TMEM184A: variants seen among roughly 807,000 people sequenced by gnomAD.
TMEM184A encodes sexually dimorphic, expressed in male gonads 1.
A neutral mutation model predicts 39.5 loss-of-function variants in TMEM184A; 40 were observed. That is an observed-to-expected ratio of 1.01 (90% confidence interval 0.79 to 1.32). The LOEUF (loss-of-function observed/expected upper bound fraction) is 1.32, where lower values mean the gene tolerates loss of function less well. Among genes scored for constraint, TMEM184A ranks in the 40% most tolerant of loss-of-function variants. The pLI, the probability that TMEM184A is intolerant of heterozygous loss-of-function variation, is 0.00. For synonymous variants in TMEM184A, 280 were observed against 252.3 expected (o/e 1.11, Z -1.04); for missense variants, 603 against 568.8 (o/e 1.06, Z -0.61).
Position 1,549,608 on chromosome 7 carries a change from G to A in TMEM184A, c.644+246C>T, listed in dbSNP as rs1784502755. On this transcript the variant is annotated intron_variant, in intron 6 of 8. Coordinates refer to ENST00000297477, the MANE Select transcript of TMEM184A (RefSeq NM_001097620.2). ...GGCCTTGGCAGGCACCGAGGTCCTT[G>A]TGGAGAAGAAGTGGGTACCTGTCTT... The A allele has an allele frequency of 9.7e-6, 6 of 621,498 alleles. No homozygotes were observed. In the East Asian group the frequency reaches 2.1e-4, roughly 22 times the overall value. The allele number at this position is 621,498 out of a possible 1,614,324, so 38.5% of individuals were successfully genotyped here. A position where few individuals can be genotyped will look rare whatever the true frequency, so the allele number is the denominator to read the frequency against.
intron 2 of TMEM184A, 91 bp from the exon 3 acceptor site, chr7:1,551,073 AGGAGGGTTTGGG>A: frequency 1.6e-6 from 2 of 1,286,930 alleles, no homozygotes; most frequent in Non-Finnish European, 2.0e-6. Context: ...GGGTGGGTGC[AGGAGGGTTTGGG>A]TGAGAGCCAG....
chr7:1,549,714 C>T, intron 6 of TMEM184A, 140 bp downstream of exon 6: 1 of 789,460 alleles, frequency 1.3e-6, no homozygotes, highest in Non-Finnish European at 2.1e-6. Flanking sequence ...CCAGTGCCCA[C>T]CTCATGCCAG....
rs1215185397 is a variant in TMEM184A, at chr7:1,546,079, C to T, written c.*873G>A. The T allele has an allele frequency of 2.6e-5, 4 of 152,466 alleles. No homozygotes were observed. Among genetic ancestry groups the T allele is most frequent in the Non-Finnish European group, 5.9e-5 (4 of 68,124 alleles). The allele number at this position is 152,466 out of a possible 1,614,324, so 9.4% of individuals were successfully genotyped here. ...TGTGATCGCACAGCCCAGGCTCTGC[C>T]CTGCACTGCCCTGGACCACGAGGCT... is the stretch of plus-strand genomic sequence containing the variant. On this transcript the variant is annotated 3_prime_UTR_variant, in exon 9 of 9. Coordinates refer to ENST00000297477, the MANE Select transcript of TMEM184A (RefSeq NM_001097620.2).
Position 1,555,364 on chromosome 7 carries a change from T to C in TMEM184A, c.121A>G (p.Ser41Gly). 6.2e-7 allele frequency: 1 copy of C among 1,610,992 alleles called. No individual in the cohort carries two copies. Among genetic ancestry groups the C allele is most frequent in the Non-Finnish European group, 8.5e-7 (1 of 1,179,112 alleles). The part of the protein sequence containing the change: ...AGPQMDHMGN[S>G]SQGAPWLFLT... Reference sequence around the variant, plus strand: ...AAGAGCCAGGGGGCCCCCTGGGAGCTGTTCCCCATGTGGTCCATCTGCGGC... The same window carrying C: ...AAGAGCCAGGGGGCCCCCTGGGAGCCGTTCCCCATGTGGTCCATCTGCGGC... Residue 41 changes from serine to glycine, a missense_variant, in exon 2 of 9, where the codon AGC becomes GGC. Coordinates refer to ENST00000297477, the MANE Select transcript of TMEM184A (RefSeq NM_001097620.2). This position sits in a 1 kb window ranked among gnomAD's most constrained non-coding sequence, Gnocchi z 5.2.
At chr7:1,551,220 A>G (rs549512600) in intron 2 of TMEM184A, among the ~76,000 whole-genome samples, 20 of 86,388 alleles carry the variant, frequency 2.3e-4, no homozygotes, top group Middle Eastern at 8.5e-3. Flanking sequence ...AGCCGGGTCC[A>G]CCCGGTACCC....
chr7:1,546,073 C>T lies in TMEM184A; in HGVS notation c.*879G>A, dbSNP rs1477920997. On this transcript the variant is annotated 3_prime_UTR_variant, in exon 9 of 9. Coordinates refer to ENST00000297477, the MANE Select transcript of TMEM184A (RefSeq NM_001097620.2). Reference sequence around the variant, plus strand: ...AGTGGCTGTGATCGCACAGCCCAGGCTCTGCCCTGCACTGCCCTGGACCAC... The same window carrying T: ...AGTGGCTGTGATCGCACAGCCCAGGTTCTGCCCTGCACTGCCCTGGACCAC... The T allele has an allele frequency of 1.3e-5, 2 of 152,470 alleles. No individual in the cohort carries two copies. The highest frequency in any genetic ancestry group is 2.4e-5 in the African/African-American group (1 of 41,444). The allele number at this position is 152,470 out of a possible 1,614,324, so 9.4% of individuals were successfully genotyped here. A position where few individuals can be genotyped will look rare whatever the true frequency, so the allele number is the denominator to read the frequency against.
Position 1,548,011 on chromosome 7 carries a change from G to T in TMEM184A, c.815-72C>A, listed in dbSNP as rs927520949. 5 of 1,483,388 alleles carry T rather than the reference G, an allele frequency of 3.4e-6. No homozygotes were observed. The South Asian group carries it at 3.7e-5, about 11-fold the overall frequency. The allele number at this position is 1,483,388 out of a possible 1,614,324, so 91.9% of individuals were successfully genotyped here. ...AGGGGAGGAAGAGGCCCCAGACCCC[G>T]CAGCGGCTCCTCTGACGGGTGCTGT... On this transcript the variant is annotated intron_variant, in intron 7 of 8. Transcript: ENST00000297477.
intron 2 of TMEM184A, among the ~76,000 whole-genome samples, chr7:1,553,726 C>T (rs1179027260): frequency 6.6e-6 from 1 of 152,146 alleles, no homozygotes; most frequent in African/African-American, 2.4e-5. Flanking sequence ...ATCAGGAGAC[C>T]TCTCCCGGGG....
rs1253217629 is a variant in TMEM184A at position 1,546,759 on chromosome 7, G to A, written c.*193C>T. 1.9e-6 allele frequency: 1 copy of A among 529,558 alleles called. No individual in the cohort carries two copies. Among genetic ancestry groups the A allele is most frequent in the Non-Finnish European group, 3.3e-6 (1 of 302,272 alleles). The allele number at this position is 529,558 out of a possible 1,614,324, so 32.8% of individuals were successfully genotyped here. The stretch of plus-strand genomic sequence containing the variant: ...TCTCCTGCGGTGGCGGGCCCACCTG[G>A]GTGCCTGCCAGGGCCATCAGGTGCC... On this transcript the variant is annotated 3_prime_UTR_variant, in exon 9 of 9. Coordinates refer to ENST00000297477, the MANE Select transcript of TMEM184A (RefSeq NM_001097620.2).
intron 8 of TMEM184A, 116 bp downstream of exon 8, chr7:1,547,626 C>T (rs1241972681): frequency 4.8e-5 from 56 of 1,158,298 alleles, no homozygotes; most frequent in East Asian, 1.5e-4. Flanking sequence ...GCCCTTTGCC[C>T]GTCTCCCTGC....
chr7:1,551,070 T>C lies in TMEM184A; in HGVS notation c.220-88A>G, dbSNP rs1244623293. Reference sequence around the variant, plus strand: ...GAGCCGGGAAGGAGGTGGGGGTGGGTGCAGGAGGGTTTGGGTGAGAGCCAG... The same window carrying C: ...GAGCCGGGAAGGAGGTGGGGGTGGGCGCAGGAGGGTTTGGGTGAGAGCCAG... On this transcript the variant is annotated intron_variant, in intron 2 of 8. Coordinates refer to ENST00000297477, the MANE Select transcript of TMEM184A (RefSeq NM_001097620.2). 298 of 1,008,636 alleles carry C rather than the reference T, an allele frequency of 3.0e-4. 1 individual carries two copies. Among genetic ancestry groups the C allele is most frequent in the African/African-American group, 2.3e-3 (89 of 38,846 alleles). The allele number at this position is 1,008,636 out of a possible 1,614,324, so 62.5% of individuals were successfully genotyped here.
chr7:1,555,560 G>A lies in TMEM184A; in HGVS notation c.1-76C>T, dbSNP rs930657583. The A allele has an allele frequency of 5.4e-5, 62 of 1,147,488 alleles. No homozygotes were observed. The highest frequency in any genetic ancestry group is 7.6e-5 in the Non-Finnish European group (59 of 775,250). The allele number at this position is 1,147,488 out of a possible 1,614,324, so 71.1% of individuals were successfully genotyped here. ...GGCTCCCGGCAGCAGGAAGCAGCGG[G>A]GGAGGGAGGAGACAGTGAGACGGGA... On this transcript the variant is annotated intron_variant, in intron 1 of 8. Transcript: ENST00000297477. The surrounding 1 kb of genome is among the most constrained non-coding windows in gnomAD (Gnocchi z 5.2).
intron 2 of TMEM184A, among the ~76,000 whole-genome samples, chr7:1,551,193 AGGAGGGTTCGCGTGAGAGCCG>A: frequency 1.9e-5 from 1 of 51,854 alleles, no homozygotes; most frequent in Non-Finnish European, 3.8e-5. Flanking sequence ...CCCTGGGCGC[AGGAGGGTTCGCGTGAGAGCCG>A]GGTCCACCCG....
Position 1,555,253 on chromosome 7 carries a change from C to T in TMEM184A, c.219+13G>A, listed in dbSNP as rs545404131. 39 of 1,590,896 alleles carry T rather than the reference C, an allele frequency of 2.5e-5. No individual in the cohort carries two copies. The highest frequency in any genetic ancestry group is 1.3e-4 in the African/African-American group (10 of 74,390). On this transcript the variant is annotated intron_variant, in intron 2 of 8. Coordinates refer to ENST00000297477, the MANE Select transcript of TMEM184A (RefSeq NM_001097620.2). The surrounding 1 kb of genome is among the most constrained non-coding windows in gnomAD (Gnocchi z 5.2). ...CAAGGTCCTGAAGGAGGCTCGGGGG[C>T]GGAAGGGCTTACCTGGTGGCAGGTG... is the stretch of plus-strand genomic sequence containing the variant.
intron 6 of TMEM184A, 90 bp from the exon 7 acceptor site, chr7:1,548,778 G>C (rs760059906): frequency 6.2e-6 from 9 of 1,461,292 alleles, no homozygotes; most frequent in Non-Finnish European, 8.5e-6. Flanking sequence ...CCTCAGCCTG[G>C]TCCCCACCCT....
intron 6 of TMEM184A, chr7:1,549,071 C>T (rs879690001): frequency 1.0e-5 from 5 of 488,506 alleles, no homozygotes; most frequent in South Asian, 1.5e-5. Flanking sequence ...GTGTCGTTCC[C>T]GTGTGAGTGT....
chr7:1,543,460 G>A lies in TMEM184A; in HGVS notation c.*3492C>T, dbSNP rs1299654314. 6.6e-6 allele frequency: 1 copy of A among 152,254 alleles called. No individual in the cohort carries two copies. Among genetic ancestry groups the A allele is most frequent in the Non-Finnish European group, 1.5e-5 (1 of 68,052 alleles). 9.4% of individuals were successfully genotyped at this position (152,254 alleles called of 1,614,324 possible). On this transcript the variant is annotated 3_prime_UTR_variant, in exon 9 of 9. Coordinates refer to ENST00000297477, the MANE Select transcript of TMEM184A (RefSeq NM_001097620.2). ...CTGTGAGCAAGACAGGGTCTGTCTG[G>A]GAGCAGAGAGCAAAGCGCCCCTGCA...
In TMEM184A at chr7:1,549,871, G is replaced by A. The variant is rs1183732259; in HGVS notation, c.627C>T (p.Tyr209=). The stretch of plus-strand genomic sequence containing the variant: ...CGCCTTACTTGAAGTCCCCGTCGTG[G>A]TATTTGCCAAATGCCTGGAGGATGA... ...TTIILQAFGK[Y]HDGDFNVRSG... Residue 209 remains tyrosine (Y), a synonymous_variant, in exon 6 of 9, where the codon TAC becomes TAT. Transcript: ENST00000297477. 1 of 1,609,676 alleles carries A rather than the reference G, an allele frequency of 6.2e-7. No individual in the cohort carries two copies. The highest frequency in any genetic ancestry group is 8.5e-7 in the Non-Finnish European group (1 of 1,177,790).
Position 1,545,417 on chromosome 7 carries a change from C to T in TMEM184A, c.*1535G>A, listed in dbSNP as rs1784310231. 6.5e-6 allele frequency: 1 copy of T among 152,844 alleles called. No individual in the cohort carries two copies. Among genetic ancestry groups the T allele is most frequent in the Non-Finnish European group, 1.5e-5 (1 of 68,264 alleles). The allele number at this position is 152,844 out of a possible 1,614,324, so 9.5% of individuals were successfully genotyped here. ...TGGTCTGTGCCCGCCCTGCTGAGTC[C>T]CTCGGAGACCCCAGGTCCCGCTGTT... On this transcript the variant is annotated 3_prime_UTR_variant, in exon 9 of 9. Transcript: ENST00000297477.
Sources: allele counts gnomAD v4.1 joint callset (sites outside exome capture counted in the v4.1 genomes callset), GRCh38; gene constraint gnomAD v4.1.1; non-coding constraint Gnocchi (gnomAD v3.1); transcripts MANE v1.5; gene names NCBI Gene and HGNC (gene_info 2026-07-23, HGNC 2026-07-21).